TOP2B: variants seen among roughly 807,000 people sequenced by gnomAD.
The protein encoded by TOP2B is DNA topoisomerase II beta.
TOP2B carries 51 observed loss-of-function variants against 193.5 expected under a neutral mutation model. The observed-to-expected ratio is 0.26, with a 90% CI of 0.21 to 0.33. The LOEUF is 0.33. Ranked by LOEUF, TOP2B falls within the 10% of genes least tolerant of loss-of-function variation. The pLI is 1.00. For synonymous variants in TOP2B, 634 were observed against 635.7 expected (o/e 1.00, Z 0.04); for missense variants, 1,378 against 1,909.3 (o/e 0.72, Z 5.19).
Position 25,645,452 on chromosome 3 carries a change from T to G in TOP2B, c.88A>C (p.Asn30His). The change falls in exon 2 of 36, where the codon AAT becomes CAT. Residue 30 changes from asparagine (N) to histidine (H), a missense_variant. This residue lies in a region of TOP2B where 83 missense variants were observed against 59.3 expected (regional missense o/e 1.40). Transcript: ENST00000264331. ...LTWVTLFDQNNAAKKEESETA... is the reference protein window; with the variant it reads ...LTWVTLFDQNHAAKKEESETA... ...TCTGACTCTTCTTTTTTTGCAGCAT[T>G]GTTCTGATCAAAAAGAGTCTAAAAT... is the stretch of plus-strand genomic sequence containing the variant. 1 of 1,606,996 alleles carries G rather than the reference T, an allele frequency of 6.2e-7. No homozygotes were observed. Among genetic ancestry groups the G allele is most frequent in the Non-Finnish European group, 8.5e-7 (1 of 1,177,938 alleles).
intron 33 of TOP2B, among the ~76,000 whole-genome samples, chr3:25,604,012 G>A (rs1702175114): frequency 6.6e-6 from 1 of 152,232 alleles, no homozygotes; most frequent in African/African-American, 2.4e-5. Context: ...AGAGACTCTT[G>A]TAAATAACCA....
chr3:25,615,254 G>A lies in TOP2B; in HGVS notation c.3542C>T (p.Pro1181Leu). ...REVNDLKRKSPSDLWKEDLAA... is the reference protein window; with the variant it reads ...REVNDLKRKSLSDLWKEDLAA... ...TAAATCCTCTTTCCAAAGATCTGAA[G>A]GAGATTTTCTTTTAAGATCATTGAC... Residue 1181 changes from proline (P) to leucine (L), a missense_variant, in exon 27 of 36, where the codon CCT becomes CTT. Physicochemically the swap from Pro to Leu is moderately conservative, Grantham distance 98. Transcript: ENST00000264331. 1 of 1,612,388 alleles carries A rather than the reference G, an allele frequency of 6.2e-7. No homozygotes were observed. The highest frequency in any genetic ancestry group is 1.1e-5 in the South Asian group (1 of 90,952).
rs775726398 is a variant in TOP2B at position 25,664,299 on chromosome 3, G to A, written c.-2C>T. On this transcript the variant is annotated 5_prime_UTR_variant, in exon 1 of 36. Coordinates refer to ENST00000264331, the MANE Select transcript of TOP2B (RefSeq NM_001330700.2). The stretch of plus-strand genomic sequence containing the variant: ...GCCGCAGCCACCCGACTTGGCCATG[G>A]CGAGTGCCTCCAGCTCACAGGCCCT... 29 of 1,531,784 alleles carry A rather than the reference G, an allele frequency of 1.9e-5. No homozygotes were observed. The African/African-American group carries it at 2.5e-4, about 13-fold the overall frequency. 94.9% of individuals were successfully genotyped at this position (1,531,784 alleles called of 1,614,324 possible).
intron 21 of TOP2B, 32 bp downstream of exon 21, chr3:25,623,483 T>C: frequency 1.3e-6 from 2 of 1,577,306 alleles, no homozygotes; most frequent in Non-Finnish European, 1.7e-6. Flanking sequence ...CATTATCATT[T>C]GTTAAATAAA....
chr3:25,632,040 T>G (rs945873989), intron 10 of TOP2B, among the ~76,000 whole-genome samples: 1 of 152,154 alleles, frequency 6.6e-6, no homozygotes, highest in African/African-American at 2.4e-5. Flanking sequence ...TTTAAGAACA[T>G]GTAGAAAATA....
At chr3:25,601,064 C>T (rs2125340780) in intron 34 of TOP2B, 36 bp downstream of exon 34, 5 of 1,599,116 alleles carry the variant, frequency 3.1e-6, no homozygotes, top group Non-Finnish European at 4.3e-6. Context: ...TTCCACACAG[C>T]ATATGTTTAA....
chr3:25,615,432 T>G lies in TOP2B; in HGVS notation c.3506A>C (p.Lys1169Thr). ...VEELIKQRDA[K>T]GREVNDLKRK... ...TATTTAACCCACAAAAGTTCATACT[T>G]TTGCATCTCTCTGTTTAATCAGTTC... Residue 1169 changes from lysine (K) to threonine (T), a missense_variant and splice_region_variant, in exon 26 of 36, where the codon AAA (lysine) becomes ACA (threonine). By Grantham distance (78) the Lys-to-Thr change is moderately conservative (BLOSUM62 -1). Transcript: ENST00000264331. 6.5e-7 allele frequency: 1 copy of G among 1,547,642 alleles called. No homozygotes were observed. Among genetic ancestry groups the G allele is most frequent in the East Asian group, 2.3e-5 (1 of 43,220 alleles).
At chr3:25,651,498 T>C (rs921910415) in intron 1 of TOP2B, among the ~76,000 whole-genome samples, 2 of 146,180 alleles carry the variant, frequency 1.4e-5, no homozygotes, top group Non-Finnish European at 3.0e-5. Context: ...GGAAGAAAGA[T>C]GGACAAAAAA....
At chr3:25,609,791 T>A in intron 28 of TOP2B, 79 bp from the exon 29 acceptor site, 2 of 1,344,510 alleles carry the variant, frequency 1.5e-6, no homozygotes, top group Middle Eastern at 2.0e-4. Flanking sequence ...AATCAACAGA[T>A]AGCGCCTTCA....
At chr3:25,605,574 C>A (rs1575561411) in intron 32 of TOP2B, among the ~76,000 whole-genome samples, 1 of 151,912 alleles carries the variant, frequency 6.6e-6, no homozygotes, top group South Asian at 2.1e-4. Flanking sequence ...AAATTCCATA[C>A]ACAAAAAAAA....
At chr3:25,620,607 G>A in intron 22 of TOP2B, 75 bp downstream of exon 22, 2 of 1,486,966 alleles carry the variant, frequency 1.3e-6, no homozygotes, top group Non-Finnish European at 1.8e-6. Flanking sequence ...ACCAACAACG[G>A]TGGAATCATC....
chr3:25,612,494 A>G (rs1277652774), intron 28 of TOP2B, 21 bp downstream of exon 28: 3 of 1,559,046 alleles, frequency 1.9e-6, no homozygotes, highest in Admixed American at 1.8e-5. Context: ...GAGTCTATCA[A>G]TGACAAGAGG....
At position 25,653,323 on chromosome 3, in the gene TOP2B, G is replaced by C. The variant is rs918339309; in HGVS notation, c.70-7853C>G. ...CAAAAACTAGAAGACAGAACAAGAGGACTACAGAACAATACCCGTGATAAA... is the reference window on the plus strand; with the variant it reads ...CAAAAACTAGAAGACAGAACAAGAGCACTACAGAACAATACCCGTGATAAA... On this transcript the variant is annotated intron_variant, in intron 1 of 35. Transcript: ENST00000264331. Among the ~76,000 whole-genome samples, 3 of 151,860 alleles carry C rather than the reference G, an allele frequency of 2.0e-5. No homozygotes were observed. The East Asian group carries it at 5.8e-4, about 29-fold the overall frequency.
At chr3:25,650,349 C>A (rs1189079394) in intron 1 of TOP2B, among the ~76,000 whole-genome samples, 1 of 152,168 alleles carries the variant, frequency 6.6e-6, no homozygotes, top group Non-Finnish European at 1.5e-5. Context: ...GTTGCCAAGA[C>A]CTTTGCTCTT....
chr3:25,664,115 C>A (rs1189085030), intron 1 of TOP2B, 114 bp downstream of exon 1: 2 of 1,472,366 alleles, frequency 1.4e-6, no homozygotes, highest in Non-Finnish European at 1.8e-6. Context: ...CTATGGAGCG[C>A]CCGTTCGGGG....
chr3:25,624,811 T>A lies in TOP2B; in HGVS notation c.2225-8A>T. 6.2e-7 allele frequency: 1 copy of A among 1,609,560 alleles called. No homozygotes were observed. The highest frequency in any genetic ancestry group is 8.5e-7 in the Non-Finnish European group (1 of 1,178,292). On this transcript the variant is annotated splice_polypyrimidine_tract_variant and splice_region_variant and intron_variant, in intron 18 of 35. Coordinates refer to ENST00000264331, the MANE Select transcript of TOP2B (RefSeq NM_001330700.2). ...GCTGGCCAGGTTTAAAGCCTATTTT[T>A]AAAAGAGCTCTTTTAAAATGTTACT...
chr3:25,599,194 A>ACAGTT (rs1221671026), intron 35 of TOP2B, among the ~76,000 whole-genome samples: 1 of 152,222 alleles, frequency 6.6e-6, no homozygotes, highest in African/African-American at 2.4e-5. Context: ...TAACACTACT[A>ACAGTT]CAGTTCAGTG....
rs111604317 is a variant in TOP2B, at chr3:25,633,821, C to T, written c.1026+20G>A. 2 of 1,592,634 alleles carry T rather than the reference C, an allele frequency of 1.3e-6. No homozygotes were observed. The highest frequency in any genetic ancestry group is 1.7e-6 in the Non-Finnish European group (2 of 1,169,546). ...TACTGTTCTACCACTGACTTGGAAA[C>T]AAATAATTTGCTTACTTACTTTTGT... On this transcript the variant is annotated intron_variant, in intron 8 of 35. Coordinates refer to ENST00000264331, the MANE Select transcript of TOP2B (RefSeq NM_001330700.2).
chr3:25,613,353 A>G (rs917998144), intron 27 of TOP2B, among the ~76,000 whole-genome samples: 10 of 152,230 alleles, frequency 6.6e-5, no homozygotes, highest in African/African-American at 2.4e-4. Context: ...TTGTAGCACA[A>G]CAGTTTAATA....
Sources: allele counts gnomAD v4.1 joint callset (sites outside exome capture counted in the v4.1 genomes callset), GRCh38; gene constraint gnomAD v4.1.1; regional missense constraint gnomAD v4.1.1; transcripts MANE v1.5; gene names NCBI Gene and HGNC (gene_info 2026-07-23, HGNC 2026-07-21).